CNTNAP3B: variants seen among roughly 807,000 people sequenced by gnomAD.
CNTNAP3B encodes the protein contactin associated protein family member 3B, also known as contactin-associated protein-like 3B.
In CNTNAP3B, 25 loss-of-function variants were observed where a neutral mutation model predicts 108.9. The ratio of observed to expected loss-of-function variants is 0.23; its 90% confidence interval spans 0.17 to 0.32. The LOEUF (loss-of-function observed/expected upper bound fraction) is 0.32, where lower values mean the gene tolerates loss of function less well. Ranked by LOEUF, CNTNAP3B falls within the 10% of genes least tolerant of loss-of-function variation. The pLI, the probability that CNTNAP3B is intolerant of heterozygous loss-of-function variation, is 1.00. For synonymous variants in CNTNAP3B, 103 were observed against 473.4 expected (o/e 0.22, Z 10.16); for missense variants, 252 against 1,210.4 (o/e 0.21, Z 11.75).
intron 1 of CNTNAP3B, among the ~76,000 whole-genome samples, chr9:42,121,482 C>A: frequency 7.3e-6 from 1 of 137,902 alleles, no homozygotes; most frequent in South Asian, 2.3e-4. Context: ...TGTCACATGG[C>A]ATAAAGAAGG....
intron 1 of CNTNAP3B, among the ~76,000 whole-genome samples, chr9:42,111,038 A>G (rs565625258): frequency 2.2e-5 from 3 of 138,428 alleles, no homozygotes; most frequent in Admixed American, 7.2e-5. Context: ...TCTTCCCTAC[A>G]TCTCACTCCA....
intron 14 of CNTNAP3B, among the ~76,000 whole-genome samples, chr9:41,934,274 A>T (rs1252006174): frequency 6.8e-6 from 1 of 147,484 alleles, no homozygotes; most frequent in African/African-American, 2.5e-5. Flanking sequence ...GCTGGAGTGC[A>T]GTGGTGTGAT....
In CNTNAP3B at chr9:41,893,858, C is replaced by A; in HGVS notation, c.*131G>T. The A allele has an allele frequency of 1.1e-5, 1 of 89,614 alleles. No individual in the cohort carries two copies. The highest frequency in any genetic ancestry group is 5.7e-5 in the South Asian group (1 of 17,502). The allele number at this position is 89,614 out of a possible 1,614,324, so 5.6% of individuals were successfully genotyped here. A position where few individuals can be genotyped will look rare whatever the true frequency, so the allele number is the denominator to read the frequency against. Reference sequence around the variant, plus strand: ...GACAGCACTGCACCTGCTGTGTGCACCCTGATGGCAACAGCAGGGAAGTCC... The same window carrying A: ...GACAGCACTGCACCTGCTGTGTGCAACCTGATGGCAACAGCAGGGAAGTCC... On this transcript the variant is annotated 3_prime_UTR_variant, in exon 24 of 24. Transcript: ENST00000377561.
At chr9:42,092,012 G>T in intron 2 of CNTNAP3B, among the ~76,000 whole-genome samples, 2 of 112,298 alleles carry the variant, frequency 1.8e-5, no homozygotes, top group Non-Finnish European at 3.6e-5. Context: ...ATTTTTGTGG[G>T]TATGTAGTAG....
intron 13 of CNTNAP3B, among the ~76,000 whole-genome samples, chr9:41,945,723 C>A (rs948682886): frequency 6.6e-6 from 1 of 152,300 alleles, no homozygotes; most frequent in Non-Finnish European, 1.5e-5. Context: ...TGTAACAAAC[C>A]TGCATGTTGT....
At chr9:42,116,087 A>T (rs1187547154) in intron 1 of CNTNAP3B, among the ~76,000 whole-genome samples, 1 of 140,020 alleles carries the variant, frequency 7.1e-6, no homozygotes, top group Non-Finnish European at 1.5e-5. Flanking sequence ...AAGCTTCAGT[A>T]GCCAATCCGA....
chr9:41,983,160 A>G (rs1825664883), intron 9 of CNTNAP3B: 1 of 137,788 alleles, frequency 7.3e-6, no homozygotes, highest in Admixed American at 7.2e-5. Context: ...TACCTATATA[A>G]CAAACCTGCA....
At chr9:42,076,421 T>A (rs1169129734) in intron 3 of CNTNAP3B, among the ~76,000 whole-genome samples, 1 of 128,834 alleles carries the variant, frequency 7.8e-6, no homozygotes, top group African/African-American at 3.2e-5. Context: ...AGCGAAACTC[T>A]GTCTCTAAAA....
intron 18 of CNTNAP3B, among the ~76,000 whole-genome samples, chr9:41,918,961 A>G (rs867891918): frequency 0.026 from 3,917 of 151,574 alleles, no homozygotes; most frequent in African/African-American, 0.089. Context: ...TATAGTGATT[A>G]AAGCCTGTTT....
chr9:41,919,110 T>C (rs1823596361), intron 18 of CNTNAP3B, among the ~76,000 whole-genome samples: 1 of 152,252 alleles, frequency 6.6e-6, no homozygotes, highest in Non-Finnish European at 1.5e-5. Context: ...GAGTACTTAA[T>C]ACTAAAATCA....
chr9:41,967,076 A>G (rs1825301528), intron 10 of CNTNAP3B, among the ~76,000 whole-genome samples: 1 of 149,894 alleles, frequency 6.7e-6, no homozygotes, highest in Non-Finnish European at 1.5e-5. Flanking sequence ...TTTTGACTAA[A>G]AAAGATAACT....
intron 2 of CNTNAP3B, among the ~76,000 whole-genome samples, chr9:42,085,916 A>G (rs1350352294): frequency 6.9e-6 from 1 of 145,346 alleles, no homozygotes; most frequent in Non-Finnish European, 1.5e-5. Flanking sequence ...AATAGCAACC[A>G]GTTCAATGAA....
intron 14 of CNTNAP3B, among the ~76,000 whole-genome samples, chr9:41,929,967 G>A (rs1292001782): frequency 6.6e-6 from 1 of 152,126 alleles, no homozygotes; most frequent in Admixed American, 6.5e-5. Flanking sequence ...AATCAAGAAG[G>A]TAACTTCCCT....
At chr9:41,950,741 G>A (rs1157291001) in intron 13 of CNTNAP3B, among the ~76,000 whole-genome samples, 2 of 143,642 alleles carry the variant, frequency 1.4e-5, no homozygotes, top group African/African-American at 5.2e-5. Flanking sequence ...AGCAATAGGA[G>A]GAATTCTTTT....
intron 14 of CNTNAP3B, among the ~76,000 whole-genome samples, chr9:41,935,356 C>G (rs1337902801): frequency 6.6e-6 from 1 of 152,272 alleles, no homozygotes; most frequent in Non-Finnish European, 1.5e-5. Flanking sequence ...CCTGAAGAGA[C>G]TTAAAATAGC....
At position 42,125,822 on chromosome 9, in the gene CNTNAP3B, T is replaced by A. The variant is rs1253304570; in HGVS notation, c.85+3188A>T. Among the ~76,000 whole-genome samples, 2 of 131,232 alleles carry A rather than the reference T, an allele frequency of 1.5e-5. 1 individual carries two copies. Among genetic ancestry groups the A allele is most frequent in the African/African-American group, 6.2e-5 (2 of 32,452 alleles). 86.1% of individuals were successfully genotyped at this position (131,232 alleles called of 152,430 possible). The stretch of plus-strand genomic sequence containing the variant: ...TAGTAGAGGCAGGGTTTCACCGTGT[T>A]GTCCAGGCTGGTTTCGAACTCCCGA... On this transcript the variant is annotated intron_variant, in intron 1 of 23. Coordinates refer to ENST00000377561, the MANE Select transcript of CNTNAP3B (RefSeq NM_001201380.3).
chr9:42,125,665 G>GTTTTTTTTTTTT (rs200934708), intron 1 of CNTNAP3B, among the ~76,000 whole-genome samples: 4 of 118,966 alleles, frequency 3.4e-5, no homozygotes, highest in Non-Finnish European at 3.4e-5. Flanking sequence ...TACATTTTTT[G>GTTTTTTTTTTTT]TTTTTTTTTT....
At chr9:41,962,640 G>A (rs1040953542) in intron 11 of CNTNAP3B, among the ~76,000 whole-genome samples, 1 of 141,996 alleles carries the variant, frequency 7.0e-6, no homozygotes, top group African/African-American at 2.7e-5. Context: ...TCTGGTGTGA[G>A]AGGCCACTCA....
At chr9:42,126,857 A>G (rs1828582566) in intron 1 of CNTNAP3B, among the ~76,000 whole-genome samples, 1 of 139,342 alleles carries the variant, frequency 7.2e-6, no homozygotes, top group South Asian at 2.3e-4. Flanking sequence ...GACACGAGCC[A>G]CTGTGCCCGG....
Sources: allele counts gnomAD v4.1 joint callset (sites outside exome capture counted in the v4.1 genomes callset), GRCh38; gene constraint gnomAD v4.1.1; transcripts MANE v1.5; gene names NCBI Gene and HGNC (gene_info 2026-07-23, HGNC 2026-07-21).